The following ADARB1 variants were observed in gnomAD, a reference collection of about 807,000 sequenced individuals.
The protein encoded by ADARB1 is double-stranded RNA-specific editase 1.
ADARB1 carries 10 observed loss-of-function variants against 52.4 expected under a neutral mutation model. That is an observed-to-expected ratio of 0.19 (90% CI 0.12 to 0.32). ADARB1 has a LOEUF of 0.32. Among genes scored for constraint, ADARB1 ranks in the 10% least tolerant of loss-of-function variants. The pLI is 1.00. For synonymous variants in ADARB1, 349 were observed against 371.1 expected (o/e 0.94, Z 0.68); for missense variants, 643 against 922.3 (o/e 0.70, Z 3.92).
chr21:45,111,788 G>GATAGATA, intron 1 of ADARB1, among the ~76,000 whole-genome samples: 1 of 152,146 alleles, frequency 6.6e-6, no homozygotes, highest in Non-Finnish European at 1.5e-5. Flanking sequence ...ATAGTTAGAC[G>GATAGATA]GTTTCCAGTT....
In ADARB1 at chr21:45,224,288, C is replaced by T. The variant is rs754238979; in HGVS notation, c.*2091C>T. On this transcript the variant is annotated 3_prime_UTR_variant, in exon 11 of 11. Coordinates refer to ENST00000348831, the MANE Select transcript of ADARB1 (RefSeq NM_001112.4). Reference sequence around the variant, plus strand: ...GCTTTTCCCTTCTGTCAGGTAATAGCTAAAGTCAGCATGATTGCTCCCTGT... The same window carrying T: ...GCTTTTCCCTTCTGTCAGGTAATAGTTAAAGTCAGCATGATTGCTCCCTGT... The T allele has an allele frequency of 7.1e-6, 7 of 985,464 alleles. No individual in the cohort carries two copies. The South Asian group carries it at 2.8e-4, about 40-fold the overall frequency. 61.0% of individuals were successfully genotyped at this position (985,464 alleles called of 1,614,324 possible).
At chr21:45,171,909 G>A (rs1292211474) in intron 3 of ADARB1, 7 of 546,330 alleles carry the variant, frequency 1.3e-5, no homozygotes, top group South Asian at 2.3e-5. Context: ...GGGCATCACT[G>A]TGCCCCGTGG....
At chr21:45,136,899 G>GT (rs916124188) in intron 2 of ADARB1, among the ~76,000 whole-genome samples, 62 of 152,348 alleles carry the variant, frequency 4.1e-4, no homozygotes, top group Admixed American at 9.8e-4. Context: ...ACAGCATCAA[G>GT]TTAAAAAAAT....
At chr21:45,107,056 A>G (rs1859725997) in intron 1 of ADARB1, among the ~76,000 whole-genome samples, 1 of 152,262 alleles carries the variant, frequency 6.6e-6, no homozygotes, top group African/African-American at 2.4e-5. Flanking sequence ...CAAAATTAAT[A>G]TGCAAACGTC....
intron 2 of ADARB1, among the ~76,000 whole-genome samples, chr21:45,147,811 G>A (rs146621053): frequency 6.6e-6 from 1 of 152,228 alleles, no homozygotes; most frequent in Non-Finnish European, 1.5e-5. Context: ...TGGCTCCCAC[G>A]CTGCCCCCGG....
intron 9 of ADARB1, among the ~76,000 whole-genome samples, chr21:45,211,781 C>G (rs57570541): frequency 5.9e-5 from 9 of 152,070 alleles, no homozygotes; most frequent in East Asian, 1.9e-4. Flanking sequence ...GTTTCTGTAC[C>G]GCGGCCTGGG....
At chr21:45,192,667 G>A (rs2092330826) in intron 8 of ADARB1, among the ~76,000 whole-genome samples, 2 of 152,182 alleles carry the variant, frequency 1.3e-5, no homozygotes, top group East Asian at 1.9e-4. Flanking sequence ...GCAAGGAACA[G>A]TGAAGCACCA....
chr21:45,135,846 G>A (rs2089331676), intron 2 of ADARB1, among the ~76,000 whole-genome samples: 2 of 152,318 alleles, frequency 1.3e-5, no homozygotes, highest in Middle Eastern at 6.8e-3. Flanking sequence ...TGGGCCCAGT[G>A]GAGACTGTGC....
chr21:45,171,161 TGTC>T (rs2091466173), intron 2 of ADARB1, among the ~76,000 whole-genome samples: 1 of 152,220 alleles, frequency 6.6e-6, no homozygotes, highest in Admixed American at 6.5e-5. Flanking sequence ...TGGCGTGTTG[TGTC>T]CTTAGTCCAT....
intron 2 of ADARB1, among the ~76,000 whole-genome samples, chr21:45,131,995 CATT>C (rs2088971806): frequency 6.6e-6 from 1 of 152,218 alleles, no homozygotes. Flanking sequence ...GAATGAAGCA[CATT>C]ATTGTAAGGA....
chr21:45,196,048 G>C (rs1392716544), intron 8 of ADARB1, among the ~76,000 whole-genome samples: 1 of 152,070 alleles, frequency 6.6e-6, no homozygotes, highest in Non-Finnish European at 1.5e-5. Flanking sequence ...CATTTATTTA[G>C]TTCTTTGATT....
intron 1 of ADARB1, among the ~76,000 whole-genome samples, chr21:45,103,779 A>C (rs1019966823): frequency 6.6e-6 from 1 of 152,142 alleles, no homozygotes; most frequent in African/African-American, 2.4e-5. Context: ...CATCTGCTCA[A>C]TTTTTCTTCA....
chr21:45,162,451 T>C (rs990830679), intron 2 of ADARB1, among the ~76,000 whole-genome samples: 1 of 152,010 alleles, frequency 6.6e-6, no homozygotes, highest in African/African-American at 2.4e-5. Flanking sequence ...AGGCTGGAAG[T>C]GTGAGCCGAG....
intron 2 of ADARB1, among the ~76,000 whole-genome samples, chr21:45,149,630 G>A (rs935241405): frequency 6.6e-6 from 1 of 152,202 alleles, no homozygotes; most frequent in African/African-American, 2.4e-5. Context: ...CTGTTATCTA[G>A]GTGTTCTGTT....
intron 1 of ADARB1, among the ~76,000 whole-genome samples, chr21:45,122,770 C>T (rs118109808): frequency 0.01 from 1,578 of 152,290 alleles, 13 homozygotes; most frequent in South Asian, 0.033. Context: ...AACTCTTGGC[C>T]GTAGCTTGCG....
At chr21:45,141,264 G>C (rs1181708549) in intron 2 of ADARB1, among the ~76,000 whole-genome samples, 3 of 152,144 alleles carry the variant, frequency 2.0e-5, no homozygotes, top group Non-Finnish European at 4.4e-5. Flanking sequence ...ATTGTTTTAA[G>C]CTTAATATTC....
chr21:45,108,711 C>T (rs2087369646), intron 1 of ADARB1, among the ~76,000 whole-genome samples: 1 of 151,490 alleles, frequency 6.6e-6, no homozygotes, highest in South Asian at 2.1e-4. Context: ...CACACTTCGA[C>T]CTTTTTTCTT....
intron 2 of ADARB1, among the ~76,000 whole-genome samples, chr21:45,166,154 G>C (rs1309907653): frequency 1.3e-5 from 2 of 152,046 alleles, no homozygotes; most frequent in Non-Finnish European, 2.9e-5. Context: ...GGGAGAAAAA[G>C]GGTAGGTATG....
In ADARB1 at chr21:45,137,805, T is replaced by C. The variant is rs190945487; in HGVS notation, c.-48+9232T>C. Among the ~76,000 whole-genome samples, 731 of 151,946 alleles carry C rather than the reference T, an allele frequency of 4.8e-3. 7 individuals carry two copies. The highest frequency in any genetic ancestry group is 0.015 in the African/African-American group (617 of 41,394). On this transcript the variant is annotated intron_variant, in intron 2 of 10. Transcript: ENST00000348831. ...GGCAGGAGAGTTCATGGATGTAGGG[T>C]TGCAGCAAGTCTGGAAAGCTGGGTT...
Sources: gnomAD v4.1 joint callset for allele counts (sites outside exome capture counted in the v4.1 genomes callset) on GRCh38, gnomAD v4.1.1 for gene constraint, MANE v1.5 for transcripts, NCBI Gene and HGNC (gene_info 2026-07-23, HGNC 2026-07-21) for gene names.